The following PCDHA5 variants were observed in gnomAD, a reference collection of about 807,000 sequenced individuals.
PCDHA5 encodes protocadherin alpha 5, also known as protocadherin alpha-5.
Under a neutral mutation model 61.6 loss-of-function variants are expected in PCDHA5, and 43 were observed. The observed-to-expected ratio is 0.70, with a 90% CI of 0.55 to 0.90. The LOEUF (loss-of-function observed/expected upper bound fraction) is 0.90, where lower values mean the gene tolerates loss of function less well. PCDHA5 is among the 40% of genes least tolerant of loss of function. The probability of loss-of-function intolerance (pLI) is 0.00; values close to 1 mark genes in which losing one functional copy is unlikely to be tolerated. For synonymous variants in PCDHA5, 627 were observed against 543.9 expected, an observed-to-expected ratio of 1.15 and a Z score of -2.13; for missense variants, 1,298 against 1,222.7, an observed-to-expected ratio of 1.06 and a Z score of -0.92.
At chr5:140,856,295 T>C (rs782325790) in intron 1 of PCDHA5, 3 of 1,598,412 alleles carry the variant, frequency 1.9e-6, no homozygotes, top group Admixed American at 1.7e-5. Context: ...GAATGGCATT[T>C]TGTTTGTGAA....
At chr5:140,890,112 T>C (rs2062493777) in intron 1 of PCDHA5, among the ~76,000 whole-genome samples, 1 of 152,184 alleles carries the variant, frequency 6.6e-6, no homozygotes, top group Non-Finnish European at 1.5e-5. Flanking sequence ...CTGGATTCAA[T>C]GATGTCACTT....
chr5:141,000,948 G>C (rs1032144041), intron 3 of PCDHA5, among the ~76,000 whole-genome samples: 3 of 151,774 alleles, frequency 2.0e-5, no homozygotes, highest in Non-Finnish European at 1.5e-5. Flanking sequence ...AAATTATCTT[G>C]CTGTAATTTA....
chr5:140,943,729 A>G (rs1215938127), intron 1 of PCDHA5, among the ~76,000 whole-genome samples: 1 of 152,374 alleles, frequency 6.6e-6, no homozygotes, highest in South Asian at 2.1e-4. Context: ...TGAGAGAATG[A>G]AAGTCCACAG....
intron 3 of PCDHA5, among the ~76,000 whole-genome samples, chr5:141,000,648 G>A (rs559996046): frequency 8.9e-4 from 134 of 150,894 alleles, no homozygotes; most frequent in African/African-American, 2.6e-3. Flanking sequence ...GGCTGGTCTC[G>A]AACTCCTGAC....
At chr5:141,004,573 G>A (rs2098171340) in intron 3 of PCDHA5, among the ~76,000 whole-genome samples, 1 of 152,220 alleles carries the variant, frequency 6.6e-6, no homozygotes, top group South Asian at 2.1e-4. Context: ...ATATCTCTGT[G>A]TTCTGCATCT....
chr5:140,988,308 G>T (rs75602297), intron 3 of PCDHA5, among the ~76,000 whole-genome samples: 1,856 of 152,298 alleles, frequency 0.012, 44 homozygotes, highest in African/African-American at 0.043. Context: ...TGCCAGCTTG[G>T]CTTGGCTTTC....
intron 3 of PCDHA5, among the ~76,000 whole-genome samples, chr5:140,997,668 T>TTGTGTGTGTGTGTGTGTGTG (rs35184029): frequency 6.7e-6 from 1 of 148,244 alleles, no homozygotes; most frequent in African/African-American, 2.5e-5. Context: ...ATTATACAGC[T>TTGTGTGTGTGTGTGTGTGTG]TGTGTGTGTG....
At chr5:140,848,505 T>C in intron 1 of PCDHA5, 1 of 1,587,952 alleles carries the variant, frequency 6.3e-7, no homozygotes, top group Non-Finnish European at 8.6e-7. Flanking sequence ...AATGTTATAC[T>C]CAAGTCGAGG....
chr5:140,961,632 A>T (rs373824042), intron 1 of PCDHA5, among the ~76,000 whole-genome samples: 2 of 152,214 alleles, frequency 1.3e-5, no homozygotes, highest in African/African-American at 4.8e-5. Context: ...ATGAAAAACA[A>T]TCTTAAGTCT....
At chr5:140,870,564 G>C (rs782511789) in intron 1 of PCDHA5, 83 of 1,613,882 alleles carry the variant, frequency 5.1e-5, no homozygotes, top group Admixed American at 3.3e-4. Context: ...AGGAGAACGC[G>C]CTGGTGTCCT....
chr5:140,831,837 T>C (rs1771726817), intron 1 of PCDHA5, among the ~76,000 whole-genome samples: 1 of 152,194 alleles, frequency 6.6e-6, no homozygotes, highest in Non-Finnish European at 1.5e-5. Flanking sequence ...GTTTCAATGA[T>C]AGAATTGTCA....
chr5:140,925,371 A>G (rs1266840293), intron 1 of PCDHA5, among the ~76,000 whole-genome samples: 2 of 152,136 alleles, frequency 1.3e-5, no homozygotes, highest in Non-Finnish European at 2.9e-5. Context: ...CATAGTCAAT[A>G]GTCAATGAGT....
Position 140,850,922 on chromosome 5 carries a change from A to G in PCDHA5, c.2352+26795A>G, listed in dbSNP as rs1228404686. 21 of 1,525,242 alleles carry G rather than the reference A, an allele frequency of 1.4e-5. 3 individuals are homozygous for G. Among genetic ancestry groups the G allele is most frequent in the Non-Finnish European group, 1.9e-5 (21 of 1,134,594 alleles). The allele number at this position is 1,525,242 out of a possible 1,614,324, so 94.5% of individuals were successfully genotyped here. A position where few individuals can be genotyped will look rare whatever the true frequency, so the allele number is the denominator to read the frequency against. ...TTTCTAGCATTTTATTTATTTATATAATTTTTTTTCTTGAAAGATATTATC... is the reference window on the plus strand; with the variant it reads ...TTTCTAGCATTTTATTTATTTATATGATTTTTTTTCTTGAAAGATATTATC... On this transcript the variant is annotated intron_variant, in intron 1 of 3. Transcript: ENST00000529859.
chr5:140,989,215 C>T (rs1162430361), intron 3 of PCDHA5, among the ~76,000 whole-genome samples: 1 of 152,108 alleles, frequency 6.6e-6, no homozygotes, highest in Non-Finnish European at 1.5e-5. Flanking sequence ...CTTTATACAC[C>T]ATTCTTTGTA....
intron 1 of PCDHA5, chr5:140,870,676 G>C (rs561705674): frequency 1.9e-6 from 3 of 1,612,584 alleles, no homozygotes; most frequent in Non-Finnish European, 2.5e-6. Flanking sequence ...GTTGGACCAC[G>C]AGGAGCTGGA....
chr5:141,002,128 C>T (rs1426506599), intron 3 of PCDHA5, among the ~76,000 whole-genome samples: 1 of 152,244 alleles, frequency 6.6e-6, no homozygotes, highest in African/African-American at 2.4e-5. Context: ...ATTTAATAGC[C>T]TTTGCCGGCT....
intron 3 of PCDHA5, among the ~76,000 whole-genome samples, chr5:140,982,864 T>G (rs1294289316): frequency 1.3e-5 from 2 of 152,114 alleles, no homozygotes; most frequent in Non-Finnish European, 2.9e-5. Flanking sequence ...TTCAAATGCT[T>G]AGGTCATCCA....
rs2150178565 is a variant in PCDHA5, at chr5:140,829,957, T to C, written c.2352+5830T>C. ...CGGCAAGCAGCGCTCGCTTCCCGTT[T>C]CGCGTGGGGCTGTACACGGGCGAGA... On this transcript the variant is annotated intron_variant, in intron 1 of 3. Transcript: ENST00000529859. 2.4e-5 allele frequency: 39 copies of C among 1,613,964 alleles called. No homozygotes were observed. In the East Asian group the frequency reaches 3.1e-4, roughly 13 times the overall value.
intron 1 of PCDHA5, chr5:140,836,822 T>C: frequency 9.7e-7 from 1 of 1,033,238 alleles, no homozygotes; most frequent in African/African-American, 1.6e-5. Flanking sequence ...ATAATTTCTT[T>C]TTTAGTTGAT....
Sources: gnomAD v4.1 joint callset for allele counts (sites outside exome capture counted in the v4.1 genomes callset) on GRCh38, gnomAD v4.1.1 for gene constraint, MANE v1.5 for transcripts, NCBI Gene and HGNC (gene_info 2026-07-23, HGNC 2026-07-21) for gene names.